Variants in IL13RA1 observed in about 807,000 individuals in gnomAD.
IL13RA1 encodes the protein interleukin-13 receptor subunit alpha-1.
A neutral mutation model predicts 33.8 loss-of-function variants in IL13RA1; 14 were observed. The ratio of observed to expected loss-of-function variants is 0.41; its 90% confidence interval spans 0.27 to 0.65. IL13RA1 has a LOEUF of 0.65. Ranked by LOEUF, IL13RA1 falls within the 30% of genes least tolerant of loss-of-function variation. IL13RA1 has a pLI of 0.28. For synonymous variants in IL13RA1, 116 were observed against 115.7 expected, an observed-to-expected ratio of 1.00 and a Z score of -0.02; for missense variants, 313 against 327.0, an observed-to-expected ratio of 0.96 and a Z score of 0.33.
At chrX:118,758,295 T>C in intron 5 of IL13RA1, 53 bp downstream of exon 5, 1 of 510,513 alleles carries the variant, frequency 2.0e-6, no homozygotes. Context: ...TGTTATATCT[T>C]TTGCACAATC....
intron 3 of IL13RA1, among the ~76,000 whole-genome samples, chrX:118,748,361 GAA>G (rs34048610): frequency 2.0e-5 from 1 of 51,021 alleles, no homozygotes; most frequent in Non-Finnish European, 3.9e-5. Context: ...AGGAGTTAAC[GAA>G]AAAAAAAAAA....
chrX:118,765,988 G>C (rs12397073), intron 6 of IL13RA1, among the ~76,000 whole-genome samples: 6,854 of 111,836 alleles, frequency 0.061, 539 homozygotes, highest in African/African-American at 0.21. Context: ...TGCCTTATTA[G>C]TAGGGTAAGA....
rs1327492544 is a variant in IL13RA1 at position 118,736,071 on chromosome X, A to G, written c.89-4946A>G. 8.2e-5 allele frequency among the ~76,000 whole-genome samples: 9 copies of G among 109,871 alleles called. No homozygotes were observed. The Admixed American group carries it at 8.7e-4, about 11-fold the overall frequency. ...ATCTACCTTTGATTCTTTTTAGTGA[A>G]TTTTTCATTTCAGTTGTGCTTTTTC... is the stretch of plus-strand genomic sequence containing the variant. On this transcript the variant is annotated intron_variant, in intron 1 of 10. Transcript: ENST00000371666.
At chrX:118,782,754 C>T (rs1198394811) in intron 10 of IL13RA1, among the ~76,000 whole-genome samples, 3 of 100,924 alleles carry the variant, frequency 3.0e-5, no homozygotes, top group African/African-American at 7.3e-5. Context: ...TGCACTACCA[C>T]GCCCAGCTAA....
downstream of IL13RA1, among the ~76,000 whole-genome samples, chrX:118,798,242 T>C (rs767134255): frequency 1.5e-4 from 17 of 111,916 alleles, no homozygotes; most frequent in African/African-American, 5.2e-4. Context: ...ATTATACTTA[T>C]ATAAATATTG....
At chrX:118,745,704 G>A (rs998626424) in intron 2 of IL13RA1, among the ~76,000 whole-genome samples, 1 of 111,508 alleles carries the variant, frequency 9.0e-6, no homozygotes, top group African/African-American at 3.3e-5. Flanking sequence ...CTTCATGGCC[G>A]TCAACATGTA....
chrX:118,786,541 G>A (rs1226767129), intron 10 of IL13RA1, among the ~76,000 whole-genome samples: 2 of 112,097 alleles, frequency 1.8e-5, no homozygotes, highest in Admixed American at 1.9e-4. Flanking sequence ...GGCTTCTGTT[G>A]TTCATTTTTG....
intron 2 of IL13RA1, among the ~76,000 whole-genome samples, chrX:118,745,703 C>T (rs1415915843): frequency 9.0e-6 from 1 of 111,348 alleles, no homozygotes; most frequent in Non-Finnish European, 1.9e-5. Flanking sequence ...TCTTCATGGC[C>T]GTCAACATGT....
intron 2 of IL13RA1, among the ~76,000 whole-genome samples, chrX:118,743,356 C>T (rs1452378083): frequency 9.0e-6 from 1 of 111,251 alleles, no homozygotes; most frequent in Non-Finnish European, 1.9e-5. Context: ...TGAGATAAAC[C>T]CTTGAGGTCA....
chrX:118,737,083 C>G (rs1418086274), intron 1 of IL13RA1, among the ~76,000 whole-genome samples: 1 of 112,623 alleles, frequency 8.9e-6, no homozygotes, highest in Non-Finnish European at 1.9e-5. Context: ...TAGGTGCAAC[C>G]ACAATGGCTG....
intron 9 of IL13RA1, 50 bp from the exon 10 acceptor site, chrX:118,776,377 C>T: frequency 1.8e-6 from 1 of 551,091 alleles, no homozygotes; most frequent in Non-Finnish European, 3.2e-6. Flanking sequence ...TTATGTGGGA[C>T]ACTCCTATGG....
chrX:118,731,617 T>C (rs972854323), intron 1 of IL13RA1, among the ~76,000 whole-genome samples: 2 of 111,515 alleles, frequency 1.8e-5, no homozygotes, highest in Non-Finnish European at 3.8e-5. Context: ...AATTGTTTTG[T>C]CTTAAAGAAA....
intron 5 of IL13RA1, among the ~76,000 whole-genome samples, chrX:118,759,477 G>A (rs1184626267): frequency 4.5e-5 from 5 of 112,091 alleles, no homozygotes; most frequent in Admixed American, 1.9e-4. Flanking sequence ...ACCAAAGTCA[G>A]CTTACTTTGT....
chrX:118,748,005 T>TTTG (rs369385798), intron 3 of IL13RA1, among the ~76,000 whole-genome samples: 24 of 88,877 alleles, frequency 2.7e-4, no homozygotes, highest in Non-Finnish European at 4.8e-4. Flanking sequence ...AGAGTGAATG[T>TTTG]TGTGTGTGTG....
chrX:118,799,172 C>G (rs1317980169), downstream of IL13RA1, among the ~76,000 whole-genome samples: 1 of 113,376 alleles, frequency 8.8e-6, no homozygotes, highest in Non-Finnish European at 1.9e-5. Context: ...GATTTCTCAC[C>G]GAGCCTTAGC....
At chrX:118,740,224 C>T (rs1483042797) in intron 1 of IL13RA1, among the ~76,000 whole-genome samples, 4 of 112,133 alleles carry the variant, frequency 3.6e-5, no homozygotes, top group African/African-American at 1.3e-4. Flanking sequence ...CCCAAAGTGC[C>T]AGGATTACAG....
At chrX:118,776,997 GTATATATATA>G (rs34840439) in intron 10 of IL13RA1, among the ~76,000 whole-genome samples, 1 of 97,330 alleles carries the variant, frequency 1.0e-5, no homozygotes, top group African/African-American at 3.8e-5. Context: ...ATGTGTGTGT[GTATATATATA>G]TATATATATA....
At chrX:118,754,455 G>A (rs112734407) in intron 4 of IL13RA1, among the ~76,000 whole-genome samples, 1,414 of 109,202 alleles carry the variant, frequency 0.013, 34 homozygotes, top group South Asian at 0.046. Context: ...GGCTAACACA[G>A]TGAAACCCCG....
Position 118,738,354 on chromosome X carries a change from G to A in IL13RA1, c.89-2663G>A, listed in dbSNP as rs370335908. Among the ~76,000 whole-genome samples the A allele has an allele frequency of 7.0e-4, 78 of 111,406 alleles. No homozygotes were observed. The South Asian group carries it at 0.011, about 15-fold the overall frequency. ...CATGGTACCCAACAGGTGGTTCTTC[G>A]GCCCCCAAACCCACCTCCCTCCCTC... On this transcript the variant is annotated intron_variant, in intron 1 of 10. Transcript: ENST00000371666.
Sources: gnomAD v4.1 joint callset for allele counts (sites outside exome capture counted in the v4.1 genomes callset) on GRCh38, gnomAD v4.1.1 for gene constraint, MANE v1.5 for transcripts, NCBI Gene and HGNC (gene_info 2026-07-23, HGNC 2026-07-21) for gene names.